HCN1: variants seen among roughly 807,000 people sequenced by gnomAD.
HCN1 encodes potassium/sodium hyperpolarization-activated cyclic nucleotide-gated channel 1.
Under a neutral mutation model 78.9 loss-of-function variants are expected in HCN1, and 13 were observed. The observed-to-expected ratio is 0.16, with a 90% CI of 0.11 to 0.26. The LOEUF (loss-of-function observed/expected upper bound fraction) is 0.26, where lower values mean the gene tolerates loss of function less well. Ranked by LOEUF, HCN1 falls within the 10% of genes least tolerant of loss-of-function variation. HCN1 has a pLI of 1.00. For missense variants in HCN1, 810 were observed against 1,154.3 expected (o/e 0.70, Z 4.32); for synonymous variants, 552 against 455.5 (o/e 1.21, Z -2.70).
At chr5:45,568,796 G>A (rs1429679007) in intron 2 of HCN1, among the ~76,000 whole-genome samples, 9 of 151,904 alleles carry the variant, frequency 5.9e-5, no homozygotes, top group Non-Finnish European at 1.2e-4. Flanking sequence ...AATTATGTAC[G>A]TAAGGGCTCG....
chr5:45,486,708 C>T (rs530520505), intron 2 of HCN1, among the ~76,000 whole-genome samples: 1 of 152,002 alleles, frequency 6.6e-6, no homozygotes, highest in Non-Finnish European at 1.5e-5. Context: ...CTTCATAGCT[C>T]ATCAAAATCT....
At chr5:45,365,906 ATAACTTAGTTTATTAAAT>A (rs1214411872) in intron 4 of HCN1, among the ~76,000 whole-genome samples, 2 of 151,932 alleles carry the variant, frequency 1.3e-5, no homozygotes, top group African/African-American at 4.8e-5. Flanking sequence ...TGAAGGATCC[ATAACTTAGTTTATTAAAT>A]TTTAACTTAA....
chr5:45,457,979 C>T (rs988973295), intron 3 of HCN1, among the ~76,000 whole-genome samples: 3 of 151,886 alleles, frequency 2.0e-5, no homozygotes, highest in Non-Finnish European at 2.9e-5. Context: ...ATAGCACCTG[C>T]GACGGTTAGT....
At chr5:45,363,837 C>G (rs940879249) in intron 4 of HCN1, among the ~76,000 whole-genome samples, 1 of 152,144 alleles carries the variant, frequency 6.6e-6, no homozygotes, top group East Asian at 1.9e-4. Flanking sequence ...GATTCTGAAG[C>G]CTTCTCAGCC....
intron 1 of HCN1, among the ~76,000 whole-genome samples, chr5:45,666,206 G>C (rs1329544167): frequency 6.6e-6 from 1 of 151,992 alleles, no homozygotes; most frequent in African/African-American, 2.4e-5. Flanking sequence ...TGAAAATGAG[G>C]GGGTGGCAAA....
In HCN1 at chr5:45,546,950, G is replaced by A. The variant is rs527707144; in HGVS notation, c.850-84943C>T. Among the ~76,000 whole-genome samples, 17 of 151,886 alleles carry A rather than the reference G, an allele frequency of 1.1e-4. No homozygotes were observed. The East Asian group carries it at 2.1e-3, about 19-fold the overall frequency. ...CAAATGTATGTTTTCAGTCCGCATC[G>A]TCTTAGTTTCCCTCTCTTCTATGTC... On this transcript the variant is annotated intron_variant, in intron 2 of 7. Coordinates refer to ENST00000303230, the MANE Select transcript of HCN1 (RefSeq NM_021072.4).
At chr5:45,564,329 C>T (rs951191930) in intron 2 of HCN1, among the ~76,000 whole-genome samples, 7 of 151,252 alleles carry the variant, frequency 4.6e-5, no homozygotes, top group Non-Finnish European at 7.4e-5. Context: ...GGCGCCATCT[C>T]GGCTCACTGC....
intron 3 of HCN1, among the ~76,000 whole-genome samples, chr5:45,401,938 C>T (rs2112045969): frequency 6.6e-6 from 1 of 152,114 alleles, no homozygotes; most frequent in South Asian, 2.1e-4. Flanking sequence ...TCAATTCCAA[C>T]AGGGGTTTAA....
chr5:45,511,611 AATT>A (rs1405923269), intron 2 of HCN1, among the ~76,000 whole-genome samples: 1 of 152,046 alleles, frequency 6.6e-6, no homozygotes, highest in African/African-American at 2.4e-5. Flanking sequence ...AGACAAACCT[AATT>A]TAATGACATT....
intron 2 of HCN1, among the ~76,000 whole-genome samples, chr5:45,623,016 T>TC (rs1745099914): frequency 6.6e-6 from 1 of 151,952 alleles, no homozygotes; most frequent in Non-Finnish European, 1.5e-5. Context: ...TCTTCTCAAC[T>TC]CCCCACTCAT....
intron 5 of HCN1, among the ~76,000 whole-genome samples, chr5:45,321,336 TG>T (rs2111936183): frequency 6.6e-6 from 1 of 151,986 alleles, no homozygotes; most frequent in East Asian, 1.9e-4. Context: ...ACTTAAATTT[TG>T]TTTTATTTCT....
At chr5:45,416,425 A>G (rs1740120494) in intron 3 of HCN1, among the ~76,000 whole-genome samples, 1 of 152,106 alleles carries the variant, frequency 6.6e-6, no homozygotes, top group Non-Finnish European at 1.5e-5. Flanking sequence ...GAGGAAACAA[A>G]TATGGAATGC....
intron 2 of HCN1, among the ~76,000 whole-genome samples, chr5:45,607,207 T>A (rs188137158): frequency 1.3e-5 from 2 of 151,636 alleles, no homozygotes; most frequent in Non-Finnish European, 2.9e-5. Flanking sequence ...TATTAAAAAA[T>A]TTTCAAAAAT....
intron 4 of HCN1, among the ~76,000 whole-genome samples, chr5:45,393,687 C>G (rs1221436444): frequency 1.3e-5 from 2 of 152,090 alleles, no homozygotes; most frequent in Non-Finnish European, 2.9e-5. Flanking sequence ...CTTATTTGAC[C>G]AGGGCATTGT....
intron 3 of HCN1, among the ~76,000 whole-genome samples, chr5:45,455,686 T>G (rs1741014730): frequency 6.7e-6 from 1 of 149,944 alleles, no homozygotes; most frequent in African/African-American, 2.5e-5. Context: ...TTTCGCCCCC[T>G]ATGTTTCTGT....
intron 1 of HCN1, among the ~76,000 whole-genome samples, chr5:45,657,889 A>G (rs1355571757): frequency 6.6e-6 from 1 of 152,218 alleles, no homozygotes; most frequent in Non-Finnish European, 1.5e-5. Flanking sequence ...GGAAAAAACT[A>G]CTTTAAAGTT....
chr5:45,418,458 CAAAT>C (rs1351446742), intron 3 of HCN1, among the ~76,000 whole-genome samples: 1 of 149,904 alleles, frequency 6.7e-6, no homozygotes, highest in Non-Finnish European at 1.5e-5. Context: ...TCTGAGCTAA[CAAAT>C]AATGCTGATA....
intron 2 of HCN1, among the ~76,000 whole-genome samples, chr5:45,487,792 C>A (rs1255113383): frequency 6.6e-6 from 1 of 152,048 alleles, no homozygotes; most frequent in East Asian, 1.9e-4. Context: ...TTTAGTAAAA[C>A]TTAGTCAAGT....
At chr5:45,450,735 C>T (rs886109400) in intron 3 of HCN1, among the ~76,000 whole-genome samples, 1 of 151,956 alleles carries the variant, frequency 6.6e-6, no homozygotes, top group Non-Finnish European at 1.5e-5. Flanking sequence ...TGTTTACTTC[C>T]TGGACAAGAA....
Sources: gnomAD v4.1 joint callset for allele counts (sites outside exome capture counted in the v4.1 genomes callset) on GRCh38, gnomAD v4.1.1 for gene constraint, MANE v1.5 for transcripts, NCBI Gene and HGNC (gene_info 2026-07-23, HGNC 2026-07-21) for gene names.